Variants in SLC8A1 observed in about 807,000 individuals in gnomAD.
SLC8A1 encodes solute carrier family 8 member A1.
SLC8A1 carries 18 observed loss-of-function variants against 68.3 expected under a neutral mutation model. That is an observed-to-expected ratio of 0.26 (90% CI 0.18 to 0.39). SLC8A1 has a LOEUF of 0.39. Ranked by LOEUF, SLC8A1 falls within the 10% of genes least tolerant of loss-of-function variation. The pLI, the probability that SLC8A1 is intolerant of heterozygous loss-of-function variation, is 1.00. For missense variants in SLC8A1, 985 were observed against 1,156.7 expected, an observed-to-expected ratio of 0.85 and a Z score of 2.15; for synonymous variants, 475 against 415.5, an observed-to-expected ratio of 1.14 and a Z score of -1.74.
At chr2:40,188,383 G>T (rs2051100974) in intron 2 of SLC8A1, among the ~76,000 whole-genome samples, 4 of 152,136 alleles carry the variant, frequency 2.6e-5, no homozygotes, top group Admixed American at 1.3e-4. Context: ...TCTTTGTCTG[G>T]TTCAGTTTTA....
At chr2:40,230,025 T>C (rs1290717121) in intron 2 of SLC8A1, among the ~76,000 whole-genome samples, 1 of 152,172 alleles carries the variant, frequency 6.6e-6, no homozygotes, top group Non-Finnish European at 1.5e-5. Context: ...TTTGAAACTG[T>C]AGTCCAGAAA....
At chr2:40,186,610 G>C (rs979935554) in intron 2 of SLC8A1, among the ~76,000 whole-genome samples, 1 of 152,110 alleles carries the variant, frequency 6.6e-6, no homozygotes. Context: ...CATTTGGGGG[G>C]ATAGTCATAA....
At chr2:40,114,562 C>G (rs372082124) in exon 8 of SLC8A1, 4 of 152,696 alleles carry the variant, frequency 2.6e-5, no homozygotes, top group Non-Finnish European at 4.4e-5. Flanking sequence ...ACCTGTTAAA[C>G]GAGACTGCCA....
chr2:40,375,488 G>A (rs369434091), intron 2 of SLC8A1, among the ~76,000 whole-genome samples: 2 of 152,112 alleles, frequency 1.3e-5, no homozygotes, highest in South Asian at 2.1e-4. Flanking sequence ...TTTATTAGAA[G>A]AATTTTATGT....
intron 7 of SLC8A1, among the ~76,000 whole-genome samples, chr2:40,128,869 C>G (rs900558374): frequency 1.3e-5 from 2 of 152,208 alleles, no homozygotes; most frequent in Non-Finnish European, 1.5e-5. Context: ...AATTCTGACA[C>G]TATCATGTAG....
chr2:40,329,939 G>C (rs953961513), intron 2 of SLC8A1, among the ~76,000 whole-genome samples: 1 of 152,072 alleles, frequency 6.6e-6, no homozygotes, highest in African/African-American at 2.4e-5. Flanking sequence ...CCCTGGGAAA[G>C]TACTATGTAA....
chr2:40,234,516 T>G (rs1186391584), intron 2 of SLC8A1, among the ~76,000 whole-genome samples: 1 of 152,176 alleles, frequency 6.6e-6, no homozygotes, highest in East Asian at 1.9e-4. Flanking sequence ...CAATGGGGTT[T>G]TCTAGATATA....
At chr2:40,366,141 T>C (rs745964400) in intron 2 of SLC8A1, among the ~76,000 whole-genome samples, 3 of 152,018 alleles carry the variant, frequency 2.0e-5, no homozygotes, top group Non-Finnish European at 4.4e-5. Context: ...ATTTGTAAAA[T>C]GGGGATAATA....
chr2:40,324,971 T>C (rs565569010), intron 2 of SLC8A1, among the ~76,000 whole-genome samples: 26 of 152,270 alleles, frequency 1.7e-4, no homozygotes, highest in African/African-American at 5.5e-4. Flanking sequence ...CTCCTCTCCA[T>C]GTGCCCTTCT....
In SLC8A1 at chr2:40,426,030, T is replaced by C. The variant is rs535953353; in HGVS notation, c.1808+2443A>G. Among the ~76,000 whole-genome samples, 287 of 152,106 alleles carry C rather than the reference T, an allele frequency of 1.9e-3. 2 individuals are homozygous for C. Among genetic ancestry groups the C allele is most frequent in the African/African-American group, 6.5e-3 (270 of 41,558 alleles). On this transcript the variant is annotated intron_variant, in intron 2 of 7. Transcript: ENST00000406785. ...CTTGTGTTTGAATCTTGGTGCTTAATTTAAGGTTAAGTCCCAGCCAAACAA... is the reference window on the plus strand; with the variant it reads ...CTTGTGTTTGAATCTTGGTGCTTAACTTAAGGTTAAGTCCCAGCCAAACAA...
At chr2:40,214,089 T>C (rs419125) in intron 2 of SLC8A1, among the ~76,000 whole-genome samples, 113,976 of 152,144 alleles carry the variant, frequency 0.75, 43,350 homozygotes, top group Middle Eastern at 0.85. Flanking sequence ...GCTAGGAATC[T>C]GGCATCTGCG....
At chr2:40,381,786 T>C (rs1028579104) in intron 2 of SLC8A1, among the ~76,000 whole-genome samples, 1 of 151,288 alleles carries the variant, frequency 6.6e-6, no homozygotes. Context: ...ACTGAAACTT[T>C]CCAGATCACC....
intron 2 of SLC8A1, among the ~76,000 whole-genome samples, chr2:40,393,942 G>C (rs994908654): frequency 6.6e-6 from 1 of 152,078 alleles, no homozygotes; most frequent in African/African-American, 2.4e-5. Context: ...TGAGAACACA[G>C]CTGGGTTACT....
At chr2:40,503,448 T>C (rs1706171938) in intron 1 of SLC8A1, among the ~76,000 whole-genome samples, 1 of 151,930 alleles carries the variant, frequency 6.6e-6, no homozygotes. Context: ...GTGCTAGAAG[T>C]CCTATCTAGA....
intron 1 of SLC8A1, among the ~76,000 whole-genome samples, chr2:40,493,814 A>T (rs1418180428): frequency 6.6e-6 from 1 of 151,896 alleles, no homozygotes; most frequent in Non-Finnish European, 1.5e-5. Flanking sequence ...GCCACCATCT[A>T]TGTCTATTGA....
At chr2:40,176,859 T>C (rs2048558994) in intron 3 of SLC8A1, among the ~76,000 whole-genome samples, 1 of 152,120 alleles carries the variant, frequency 6.6e-6, no homozygotes, top group African/African-American at 2.4e-5. Flanking sequence ...AATAAGTAAA[T>C]CACCAGAATT....
intron 1 of SLC8A1, among the ~76,000 whole-genome samples, chr2:40,443,762 G>A (rs1369964987): frequency 6.6e-6 from 1 of 152,104 alleles, no homozygotes; most frequent in African/African-American, 2.4e-5. Context: ...CCCTCTCTTA[G>A]TATCATCTGT....
Position 40,245,046 on chromosome 2 carries a change from A to G in SLC8A1, c.1809-67191T>C, listed in dbSNP as rs529223838. Among the ~76,000 whole-genome samples the G allele has an allele frequency of 5.3e-5, 8 of 152,368 alleles. No individual in the cohort carries two copies. In the South Asian group the frequency reaches 1.2e-3, roughly 24 times the overall value. ...TTGAGTTACATAAATGGCTATGTTA[A>G]AAATAGGCAGCCAATATAATTGAGC... On this transcript the variant is annotated intron_variant, in intron 2 of 7. Coordinates refer to ENST00000406785, the Ensembl canonical transcript of SLC8A1.
intron 1 of SLC8A1, among the ~76,000 whole-genome samples, chr2:40,463,709 T>A (rs1325090482): frequency 6.6e-6 from 1 of 152,084 alleles, no homozygotes; most frequent in East Asian, 1.9e-4. Flanking sequence ...CAGATTGCTT[T>A]TCAGATTGCT....
Sources: gnomAD v4.1 joint callset for allele counts (sites outside exome capture counted in the v4.1 genomes callset) on GRCh38, gnomAD v4.1.1 for gene constraint, MANE v1.5 for transcripts, NCBI Gene and HGNC (gene_info 2026-07-23, HGNC 2026-07-21) for gene names.